Variants in KLF8 observed in about 807,000 individuals in gnomAD.
KLF8 encodes the protein Krueppel-like factor 8.
A neutral mutation model predicts 18.2 loss-of-function variants in KLF8; 10 were observed. The ratio of observed to expected loss-of-function variants is 0.55; its 90% CI spans 0.34 to 0.93. The LOEUF (loss-of-function observed/expected upper bound fraction) is 0.93, where lower values mean the gene tolerates loss of function less well. Ranked by LOEUF, KLF8 falls within the 40% of genes least tolerant of loss-of-function variation. The pLI, the probability that KLF8 is intolerant of heterozygous loss-of-function variation, is 0.02. For synonymous variants in KLF8, 109 were observed against 97.3 expected (o/e 1.12, Z -0.71); for missense variants, 264 against 277.9 (o/e 0.95, Z 0.36).
chrX:56,259,576 C>T (rs756682845), intron 2 of KLF8, among the ~76,000 whole-genome samples: 141 of 110,553 alleles, frequency 1.3e-3, no homozygotes, highest in African/African-American at 4.5e-3. Flanking sequence ...AAAACCCCAA[C>T]TGTCTCGAAT....
At chrX:56,057,875 C>T in the KLF8 span, among the ~76,000 whole-genome samples, 1 of 109,626 alleles carries the variant, frequency 9.1e-6, no homozygotes. Flanking sequence ...CTTACCACTT[C>T]TTTAAGCAGG....
Position 56,290,617 on chromosome X carries a change from C to A in KLF8, c.*6123C>A, listed in dbSNP as rs1368864673. 9.0e-6 allele frequency among the ~76,000 whole-genome samples: 1 copy of A among 111,690 alleles called. No homozygotes were observed. Among genetic ancestry groups the A allele is most frequent in the African/African-American group, 3.3e-5 (1 of 30,746 alleles). ...TTCCCCCTTTGTAACTCTGCTTGGACCACATTCCATGTCACATTCTCAGAA... is the reference window on the plus strand; with the variant it reads ...TTCCCCCTTTGTAACTCTGCTTGGAACACATTCCATGTCACATTCTCAGAA... On this transcript the variant is annotated 3_prime_UTR_variant, in exon 6 of 6. Coordinates refer to ENST00000468660, the MANE Select transcript of KLF8 (RefSeq NM_007250.5).
At chrX:55,913,796 G>C in the KLF8 span, among the ~76,000 whole-genome samples, 1 of 112,021 alleles carries the variant, frequency 8.9e-6, no homozygotes, top group Admixed American at 9.5e-5. Context: ...GCAAGTAATG[G>C]GCATTAACAT....
chrX:55,992,814 CT>C, the KLF8 span, among the ~76,000 whole-genome samples: 1 of 111,429 alleles, frequency 9.0e-6, no homozygotes, highest in African/African-American at 3.3e-5. Context: ...GATCTTTCAT[CT>C]TTCTGTTTAG....
chrX:56,002,649 C>A, the KLF8 span, among the ~76,000 whole-genome samples: 1 of 112,025 alleles, frequency 8.9e-6, no homozygotes, highest in South Asian at 3.7e-4. Flanking sequence ...TGAATATTTG[C>A]TGAATGAATG....
At chrX:56,202,803 G>A in the KLF8 span, among the ~76,000 whole-genome samples, 1 of 111,017 alleles carries the variant, frequency 9.0e-6, no homozygotes, top group African/African-American at 3.3e-5. Context: ...TATATTTACA[G>A]CATTTTATTT....
At chrX:56,000,842 T>TA in the KLF8 span, among the ~76,000 whole-genome samples, 1 of 111,796 alleles carries the variant, frequency 8.9e-6, no homozygotes, top group East Asian at 2.8e-4. Flanking sequence ...CACCTTACTT[T>TA]AAAAAAAGAC....
At chrX:56,160,809 A>G in the KLF8 span, among the ~76,000 whole-genome samples, 1 of 111,223 alleles carries the variant, frequency 9.0e-6, no homozygotes, top group African/African-American at 3.3e-5. Flanking sequence ...GGTTTCCTGA[A>G]TACAGCACAC....
chrX:56,178,674 A>T, the KLF8 span, among the ~76,000 whole-genome samples: 2 of 112,184 alleles, frequency 1.8e-5, no homozygotes, highest in Non-Finnish European at 3.8e-5. Context: ...GGTGTAAGGA[A>T]GGGATCCATT....
At chrX:56,143,840 T>C in the KLF8 span, among the ~76,000 whole-genome samples, 2 of 112,262 alleles carry the variant, frequency 1.8e-5, no homozygotes, top group African/African-American at 6.5e-5. Flanking sequence ...GTGCCTGATA[T>C]ATAGTAGAAC....
chrX:56,102,773 T>C, the KLF8 span, among the ~76,000 whole-genome samples: 1 of 110,955 alleles, frequency 9.0e-6, no homozygotes. Flanking sequence ...TTATTATACT[T>C]TAAGTTCTAA....
the KLF8 span, among the ~76,000 whole-genome samples, chrX:56,000,475 TGGG>T: frequency 0.014 from 498 of 36,262 alleles, 25 homozygotes; most frequent in African/African-American, 0.026. Context: ...TGCTTTTTCT[TGGG>T]GGGGGGGGGA....
At chrX:56,052,031 G>A in the KLF8 span, among the ~76,000 whole-genome samples, 10 of 110,718 alleles carry the variant, frequency 9.0e-5, no homozygotes, top group South Asian at 3.8e-4. Flanking sequence ...ATCTTCCATT[G>A]CTGATACCCT....
At chrX:56,279,019 G>A (rs1360310243) in intron 5 of KLF8, among the ~76,000 whole-genome samples, 1 of 111,650 alleles carries the variant, frequency 9.0e-6, no homozygotes, top group Non-Finnish European at 1.9e-5. Context: ...TCCACACCAT[G>A]TAGGCACTGC....
At chrX:56,061,694 G>A in the KLF8 span, among the ~76,000 whole-genome samples, 1 of 111,242 alleles carries the variant, frequency 9.0e-6, no homozygotes, top group African/African-American at 3.3e-5. Context: ...TTGGTCCAGA[G>A]CTGAGTTCAA....
At chrX:55,928,014 T>C in the KLF8 span, among the ~76,000 whole-genome samples, 7 of 112,400 alleles carry the variant, frequency 6.2e-5, no homozygotes, top group Non-Finnish European at 9.4e-5. Flanking sequence ...TTTTCATTAA[T>C]GCCTTTTTTA....
chrX:56,220,329 CT>C, the KLF8 span, among the ~76,000 whole-genome samples: 1 of 112,095 alleles, frequency 8.9e-6, no homozygotes, highest in African/African-American at 3.2e-5. Context: ...GGTTCCACCC[CT>C]GACCTACTCT....
the KLF8 span, among the ~76,000 whole-genome samples, chrX:56,023,339 A>G: frequency 5.4e-4 from 60 of 112,067 alleles, no homozygotes; most frequent in Non-Finnish European, 5.6e-4. Context: ...GTTTAAATTG[A>G]TTAGCTGCTG....
upstream of KLF8, among the ~76,000 whole-genome samples, chrX:56,228,402 C>G (rs1321076717): frequency 8.9e-6 from 1 of 111,994 alleles, no homozygotes; most frequent in Non-Finnish European, 1.9e-5. Flanking sequence ...TGTTTGATCC[C>G]TTCTGGAGTC....
Sources: allele counts gnomAD v4.1 joint callset (sites outside exome capture counted in the v4.1 genomes callset), GRCh38; gene constraint gnomAD v4.1.1; transcripts MANE v1.5; gene names NCBI Gene and HGNC (gene_info 2026-07-23, HGNC 2026-07-21).